SUSD1: variants seen among roughly 807,000 people sequenced by gnomAD.
SUSD1 encodes sushi domain-containing protein 1.
Under a neutral mutation model 86.9 loss-of-function variants are expected in SUSD1, and 65 were observed. That is an observed-to-expected ratio of 0.75 (90% CI 0.61 to 0.92). The LOEUF is 0.92. Ranked by LOEUF, SUSD1 falls within the 40% of genes least tolerant of loss-of-function variation. The probability of loss-of-function intolerance (pLI) is 0.00; values close to 1 mark genes in which losing one functional copy is unlikely to be tolerated. For synonymous variants in SUSD1, 346 were observed against 350.0 expected, an observed-to-expected ratio of 0.99 and a Z score of 0.13; for missense variants, 850 against 929.7, an observed-to-expected ratio of 0.91 and a Z score of 1.11.
chr9:112,061,298 C>T (rs1421000378), intron 13 of SUSD1, among the ~76,000 whole-genome samples: 1 of 152,216 alleles, frequency 6.6e-6, no homozygotes, highest in African/African-American at 2.4e-5. Context: ...CTGCTGCCCC[C>T]CAGCTCAAAC....
chr9:112,048,562 C>T (rs1380579141), intron 15 of SUSD1, among the ~76,000 whole-genome samples: 1 of 152,198 alleles, frequency 6.6e-6, no homozygotes, highest in African/African-American at 2.4e-5. Flanking sequence ...CAATTCAGTG[C>T]ATTCTGATTG....
chr9:112,124,793 A>G (rs1006043893), intron 5 of SUSD1, among the ~76,000 whole-genome samples: 4 of 152,234 alleles, frequency 2.6e-5, no homozygotes, highest in Non-Finnish European at 5.9e-5. Context: ...ATTATTGCCA[A>G]CTGACTGTTA....
intron 6 of SUSD1, among the ~76,000 whole-genome samples, chr9:112,123,951 C>T (rs1441134189): frequency 6.6e-6 from 1 of 152,010 alleles, no homozygotes; most frequent in Non-Finnish European, 1.5e-5. Context: ...GGAGCATGCC[C>T]CTCTGAGAAA....
chr9:112,081,383 C>T (rs999979682), intron 10 of SUSD1, among the ~76,000 whole-genome samples: 3 of 152,202 alleles, frequency 2.0e-5, no homozygotes, highest in Admixed American at 2.0e-4. Flanking sequence ...GTACAAGTCA[C>T]AAGCTGTACC....
intron 14 of SUSD1, among the ~76,000 whole-genome samples, chr9:112,056,835 G>T (rs1194287601): frequency 2.0e-5 from 3 of 152,030 alleles, no homozygotes; most frequent in African/African-American, 7.2e-5. Context: ...TCCTGCCTCA[G>T]CCTCCCAAGT....
chr9:112,064,753 G>C (rs1180543348), intron 12 of SUSD1, among the ~76,000 whole-genome samples: 1 of 152,030 alleles, frequency 6.6e-6, no homozygotes, highest in African/African-American at 2.4e-5. Flanking sequence ...GCGGGCACCT[G>C]TAATCCCAGC....
intron 13 of SUSD1, among the ~76,000 whole-genome samples, chr9:112,060,708 T>G (rs1828682414): frequency 6.6e-6 from 1 of 152,260 alleles, no homozygotes; most frequent in Non-Finnish European, 1.5e-5. Context: ...TAAACATTTA[T>G]TAAGCATCCA....
At chr9:112,105,368 G>C (rs1214552710) in intron 8 of SUSD1, among the ~76,000 whole-genome samples, 1 of 151,894 alleles carries the variant, frequency 6.6e-6, no homozygotes. Context: ...AATAATCAGA[G>C]ATGTAATAAA....
chr9:112,047,996 A>T (rs541113839), intron 15 of SUSD1, among the ~76,000 whole-genome samples: 25 of 152,228 alleles, frequency 1.6e-4, no homozygotes, highest in Admixed American at 1.0e-3. Context: ...TAGGGTCCCC[A>T]TTTTCTTACT....
At chr9:112,058,772 G>A in intron 13 of SUSD1, 86 bp from the exon 14 acceptor site, 2 of 1,508,788 alleles carry the variant, frequency 1.3e-6, no homozygotes, top group Non-Finnish European at 1.8e-6. Context: ...CCTGCTATGA[G>A]ACAAACCTCT....
intron 5 of SUSD1, among the ~76,000 whole-genome samples, chr9:112,131,332 G>A (rs534843193): frequency 1.1e-4 from 16 of 152,320 alleles, no homozygotes; most frequent in African/African-American, 3.8e-4. Flanking sequence ...GGAAGGGTTC[G>A]ATGACAACGC....
At chr9:112,045,016 A>G (rs1030342590) in intron 15 of SUSD1, among the ~76,000 whole-genome samples, 6 of 152,390 alleles carry the variant, frequency 3.9e-5, no homozygotes, top group African/African-American at 1.4e-4. Flanking sequence ...ATGATCAATA[A>G]AACTTTGAGC....
intron 1 of SUSD1, among the ~76,000 whole-genome samples, chr9:112,174,345 G>A (rs1834176388): frequency 6.6e-6 from 1 of 152,058 alleles, no homozygotes; most frequent in South Asian, 2.1e-4. Flanking sequence ...CCTTCTCATG[G>A]CACCCATGCC....
intron 12 of SUSD1, among the ~76,000 whole-genome samples, chr9:112,065,951 T>C (rs1457271371): frequency 6.6e-6 from 1 of 152,232 alleles, no homozygotes; most frequent in Non-Finnish European, 1.5e-5. Flanking sequence ...GCCAATTCTA[T>C]GCTAGGAACT....
chr9:112,063,666 A>G (rs868281824), intron 12 of SUSD1, among the ~76,000 whole-genome samples: 3 of 149,308 alleles, frequency 2.0e-5, no homozygotes, highest in Middle Eastern at 6.8e-3. Context: ...ATCCGGAGGA[A>G]ACTACACTGA....
intron 15 of SUSD1, among the ~76,000 whole-genome samples, chr9:112,048,658 A>C (rs1270074013): frequency 6.6e-6 from 1 of 152,210 alleles, no homozygotes; most frequent in Non-Finnish European, 1.5e-5. Flanking sequence ...CAGACAAAAC[A>C]AGTGCACACC....
intron 15 of SUSD1, among the ~76,000 whole-genome samples, chr9:112,046,536 C>T (rs1376872121): frequency 2.0e-5 from 3 of 152,186 alleles, no homozygotes; most frequent in Admixed American, 6.5e-5. Context: ...TTAACCCCTT[C>T]CCTGATAGAA....
At chr9:112,149,455 A>G in intron 2 of SUSD1, 56 bp from the exon 3 acceptor site, 1 of 1,587,450 alleles carries the variant, frequency 6.3e-7, no homozygotes, top group Non-Finnish European at 8.6e-7. Flanking sequence ...CGACTTCAAC[A>G]GCCCAGACTG....
At chr9:112,120,362 C>A (rs554825789) in intron 6 of SUSD1, among the ~76,000 whole-genome samples, 1 of 151,998 alleles carries the variant, frequency 6.6e-6, no homozygotes, top group East Asian at 1.9e-4. Flanking sequence ...AAATAGGTAA[C>A]AAGTGAAAAA....
Sources: gnomAD v4.1 joint callset for allele counts (sites outside exome capture counted in the v4.1 genomes callset) on GRCh38, gnomAD v4.1.1 for gene constraint, MANE v1.5 for transcripts, NCBI Gene and HGNC (gene_info 2026-07-23, HGNC 2026-07-21) for gene names.